The following BTD variants were observed in gnomAD, a reference collection of about 807,000 sequenced individuals.
BTD encodes the protein biocytinase.
BTD carries 13 observed loss-of-function variants against 17.7 expected under a neutral mutation model. The ratio of observed to expected loss-of-function variants is 0.74; its 90% CI spans 0.48 to 1.17. The LOEUF is 1.17. Among genes scored for constraint, BTD ranks in the 50% most tolerant of loss-of-function variants. BTD has a pLI of 0.00. For synonymous variants in BTD, 240 were observed against 245.2 expected, an observed-to-expected ratio of 0.98 and a Z score of 0.20; for missense variants, 674 against 650.4, an observed-to-expected ratio of 1.04 and a Z score of -0.39.
chr3:15,635,745 C>T lies in BTD; in HGVS notation c.249+57C>T. 1 of 1,610,298 alleles carries T rather than the reference C, an allele frequency of 6.2e-7. No homozygotes were observed. The highest frequency in any genetic ancestry group is 1.7e-5 in the Admixed American group (1 of 60,018). On this transcript the variant is annotated intron_variant, in intron 2 of 3. Coordinates refer to ENST00000643237, the MANE Select transcript of BTD (RefSeq NM_001370658.1). This position sits in a 1 kb window ranked among gnomAD's most constrained non-coding sequence, Gnocchi z 4.1. The stretch of plus-strand genomic sequence containing the variant: ...TCATACAGAGCAGATTGCTCTTTAC[C>T]CCTTGATCAGTGGTTGGGTAATCCC...
Position 15,644,812 on chromosome 3 carries a change from C to T in BTD, c.896C>T (p.Ser299Phe). 2 of 1,614,214 alleles carry T rather than the reference C, an allele frequency of 1.2e-6. No homozygotes were observed. The highest frequency in any genetic ancestry group is 1.1e-5 in the South Asian group (1 of 91,078). ...TGSGIHTPLE[S>F]FWYHDMENPK... ...AGTGGCATACACACCCCTCTGGAGT[C>T]CTTTTGGTACCATGACATGGAAAAT... Residue 299 changes from serine to phenylalanine, a missense_variant, in exon 4 of 4, where the codon TCC becomes TTC. Transcript: ENST00000643237.
At chr3:15,618,209 CT>C (rs2125383088) in intron 1 of BTD, among the ~76,000 whole-genome samples, 1 of 152,294 alleles carries the variant, frequency 6.6e-6, no homozygotes, top group South Asian at 2.1e-4. Flanking sequence ...TCAAATGATC[CT>C]CCTGCCTTGG....
chr3:15,662,504 A>G (rs2065934581), intron 3 of BTD, among the ~76,000 whole-genome samples: 1 of 152,232 alleles, frequency 6.6e-6, no homozygotes, highest in African/African-American at 2.4e-5. Flanking sequence ...AACTTTTAAA[A>G]TTCATTCTGA....
In BTD at chr3:15,662,197, C is replaced by CTA. The variant is rs778547852; in HGVS notation, c.399+20143_399+20144dup. 3.2e-4 allele frequency among the ~76,000 whole-genome samples: 49 copies of CTA among 152,194 alleles called. 1 individual carries two copies. Among genetic ancestry groups the CTA allele is most frequent in the Non-Finnish European group, 4.6e-4 (31 of 68,034 alleles). ...GATTTTAATTGAGATTGCACTGAAT[C>CTA]TATAAAGTTGGCAAGAACTGACATC... is the stretch of plus-strand genomic sequence containing the variant. On this transcript the variant is annotated intron_variant, in intron 3 of 3. Coordinates refer to the BTD transcript ENST00000672141.
At chr3:15,701,154 AAT>A (rs1406183518) in intron 3 of BTD, among the ~76,000 whole-genome samples, 3 of 152,202 alleles carry the variant, frequency 2.0e-5, no homozygotes, top group Non-Finnish European at 4.4e-5. Context: ...CTAGCTCACA[AAT>A]ATATGAGAGC....
intron 1 of BTD, among the ~76,000 whole-genome samples, chr3:15,626,203 C>T (rs547637301): frequency 3.9e-4 from 60 of 152,318 alleles, no homozygotes; most frequent in African/African-American, 1.3e-3. Flanking sequence ...CAATCAACCT[C>T]CCCCACCACC....
chr3:15,687,655 T>C (rs2068293563), intron 3 of BTD, among the ~76,000 whole-genome samples: 1 of 151,140 alleles, frequency 6.6e-6, no homozygotes, highest in Admixed American at 6.6e-5. Context: ...CCCACAGTTA[T>C]ATTAAATACT....
At position 15,615,719 on chromosome 3, in the gene BTD, G is replaced by A. The variant is rs114575249; in HGVS notation, c.-17+13825G>A. 3.9e-3 allele frequency among the ~76,000 whole-genome samples: 597 copies of A among 152,298 alleles called. 1 individual carries two copies. Among genetic ancestry groups the A allele is most frequent in the Middle Eastern group, 0.027 (8 of 294 alleles). On this transcript the variant is annotated intron_variant, in intron 1 of 3. Transcript: ENST00000643237. ...TCCCTGTTATCAATATCCCAGACTA[G>A]AATGGTATGTTTGTTATAATCAGTG...
intron 3 of BTD, chr3:15,689,903 G>GAA: frequency 8.7e-5 from 63 of 720,364 alleles, no homozygotes; most frequent in Non-Finnish European, 1.1e-4. Flanking sequence ...TATATGATTT[G>GAA]AAAAAAAAAA....
chr3:15,656,708 C>G (rs2065874978), downstream of BTD, among the ~76,000 whole-genome samples: 1 of 152,200 alleles, frequency 6.6e-6, no homozygotes, highest in African/African-American at 2.4e-5. Context: ...TCCCTCCGGG[C>G]TGGAGGCTAG....
rs967171053 is a variant in BTD at position 15,653,201 on chromosome 3, C to G, written c.*7713C>G. Among the ~76,000 whole-genome samples the G allele has an allele frequency of 6.6e-6, 1 of 152,362 alleles. No homozygotes were observed. Among genetic ancestry groups the G allele is most frequent in the Admixed American group, 6.5e-5 (1 of 15,300 alleles). On this transcript the variant is annotated 3_prime_UTR_variant, in exon 4 of 4. Coordinates refer to ENST00000643237, the MANE Select transcript of BTD (RefSeq NM_001370658.1). ...CCCCAGATCAACTTAATCGGACTCT[C>G]TGGGAGTAGGGCCCATCAATCTGTG...
intron 1 of BTD, among the ~76,000 whole-genome samples, chr3:15,623,442 A>G (rs1028001508): frequency 6.6e-6 from 1 of 152,206 alleles, no homozygotes; most frequent in African/African-American, 2.4e-5. Context: ...CATATTTGTT[A>G]CTTTTTTCTA....
intron 4 of BTD, among the ~76,000 whole-genome samples, chr3:15,718,062 T>C (rs879372466): frequency 6.6e-6 from 1 of 152,104 alleles, no homozygotes; most frequent in Non-Finnish European, 1.5e-5. Flanking sequence ...CCATAGTCAA[T>C]CAATAACTTA....
At chr3:15,678,249 A>T (rs1171674025) in intron 3 of BTD, 5 of 1,612,512 alleles carry the variant, frequency 3.1e-6, no homozygotes, top group Non-Finnish European at 4.2e-6. Flanking sequence ...CCATCATAAG[A>T]GGTGTTTTCC....
At position 15,635,658 on chromosome 3, in the gene BTD, T is replaced by C. The variant is rs1169489990; in HGVS notation, c.219T>C (p.Tyr73=). The C allele has an allele frequency of 1.2e-6, 2 of 1,614,210 alleles. No individual in the cohort carries two copies. The highest frequency in any genetic ancestry group is 3.3e-5 in the Admixed American group (2 of 60,022). ...TCATGAACCAGAACCTTGACATCTA[T>C]GAACAGCAAGTGATGACTGCAGCCC... ...LELMNQNLDI[Y]EQQVMTAAQK... The change falls in exon 2 of 4, where the codon TAT becomes TAC. Residue 73 remains tyrosine, a synonymous_variant. Transcript: ENST00000643237. The surrounding 1 kb of genome is among the most constrained non-coding windows in gnomAD (Gnocchi z 4.1).
downstream of BTD, among the ~76,000 whole-genome samples, chr3:15,717,717 G>C (rs1197605503): frequency 6.6e-6 from 1 of 152,102 alleles, no homozygotes; most frequent in African/African-American, 2.4e-5. Context: ...GAACAATGTG[G>C]GTGGGAAAAC....
chr3:15,633,024 A>G lies in BTD; in HGVS notation c.-16-2400A>G, dbSNP rs188632923. ...AAACCCTCAGATGCTCAAGTCCCTT[A>G]TATCAAATGGTGTAGAATTTACATG... On this transcript the variant is annotated intron_variant, in intron 1 of 3. Transcript: ENST00000643237. Among the ~76,000 whole-genome samples, 360 of 152,334 alleles carry G rather than the reference A, an allele frequency of 2.4e-3. 2 individuals are homozygous for G. The highest frequency in any genetic ancestry group is 4.5e-3 in the Non-Finnish European group (308 of 68,020).
At chr3:15,633,430 C>T (rs2065263844) in intron 1 of BTD, among the ~76,000 whole-genome samples, 1 of 152,226 alleles carries the variant, frequency 6.6e-6, no homozygotes, top group Non-Finnish European at 1.5e-5. Flanking sequence ...CCACTTAGAG[C>T]TCTCCTACCG....
Position 15,644,713 on chromosome 3 carries a change from A to G in BTD, c.797A>G (p.Lys266Arg). ...CTCTTGGCAGCAATTGAGATTCAGA[A>G]AGCTTTTGCTGTTGCCTTTGGCATC... ...LPLLAAIEIQ[K>R]AFAVAFGINV... is the part of the protein sequence containing the mutation. Residue 266 changes from lysine to arginine, a missense_variant, in exon 4 of 4, where the codon AAA (lysine) becomes AGA (arginine). Coordinates refer to ENST00000643237, the MANE Select transcript of BTD (RefSeq NM_001370658.1). 6.2e-7 allele frequency: 1 copy of G among 1,614,134 alleles called. No individual in the cohort carries two copies. Among genetic ancestry groups the G allele is most frequent in the Non-Finnish European group, 8.5e-7 (1 of 1,180,032 alleles).
Sources: allele counts gnomAD v4.1 joint callset (sites outside exome capture counted in the v4.1 genomes callset), GRCh38; gene constraint gnomAD v4.1.1; non-coding constraint Gnocchi (gnomAD v3.1); transcripts MANE v1.5; gene names NCBI Gene and HGNC (gene_info 2026-07-23, HGNC 2026-07-21).